Variants in RGP1 observed in about 807,000 individuals in gnomAD.
The protein encoded by RGP1 is RAB6A-GEF complex partner protein 2.
In RGP1, 28 loss-of-function variants were observed where a neutral mutation model predicts 44.5. That is an observed-to-expected ratio of 0.63 (90% CI 0.47 to 0.86). RGP1 has a LOEUF of 0.86. RGP1 is among the 40% of genes least tolerant of loss of function. RGP1 has a pLI of 0.00. For synonymous variants in RGP1, 212 were observed against 196.7 expected (o/e 1.08, Z -0.65); for missense variants, 417 against 490.7 (o/e 0.85, Z 1.42).
At chr9:35,765,122 CAA>C in the RGP1 span, among the ~76,000 whole-genome samples, 34 of 103,102 alleles carry the variant, frequency 3.3e-4, no homozygotes, top group Non-Finnish European at 3.2e-4. Context: ...GACTCTGTCT[CAA>C]AAAAAAAAAA....
At chr9:35,767,147 C>T in the RGP1 span, among the ~76,000 whole-genome samples, 4 of 152,150 alleles carry the variant, frequency 2.6e-5, no homozygotes, top group East Asian at 3.8e-4. Context: ...GGGCTGCATA[C>T]GGCCAACTAT....
At chr9:35,780,927 C>A in the RGP1 span, among the ~76,000 whole-genome samples, 2 of 151,940 alleles carry the variant, frequency 1.3e-5, no homozygotes, top group Non-Finnish European at 2.9e-5. Flanking sequence ...TAAAGTGAAT[C>A]CCTTCATCCA....
In RGP1 at chr9:35,753,470, G is replaced by A. The variant is rs975434138; in HGVS notation, c.*596G>A. 7.7e-6 allele frequency: 6 copies of A among 777,238 alleles called. No homozygotes were observed. The highest frequency in any genetic ancestry group is 1.2e-5 in the Non-Finnish European group (6 of 487,762). 48.1% of individuals were successfully genotyped at this position (777,238 alleles called of 1,614,324 possible). A position where few individuals can be genotyped will look rare whatever the true frequency, so the allele number is the denominator to read the frequency against. On this transcript the variant is annotated 3_prime_UTR_variant, in exon 9 of 9. Coordinates refer to ENST00000378078, the MANE Select transcript of RGP1 (RefSeq NM_001080496.3). The surrounding 1 kb of genome is among the most constrained non-coding windows in gnomAD (Gnocchi z 4.2). ...TATAACAGGAGTATTTTCTCTCCAG[G>A]TCCACCCCAACCTCCCCTGATTTAT...
chr9:35,774,846 T>C, the RGP1 span, among the ~76,000 whole-genome samples: 7 of 152,182 alleles, frequency 4.6e-5, no homozygotes, highest in African/African-American at 7.2e-5. Context: ...TTTTGGTTTT[T>C]ATACAGGTCA....
chr9:35,762,151 G>C (rs928140789), downstream of RGP1, among the ~76,000 whole-genome samples: 1 of 152,158 alleles, frequency 6.6e-6, no homozygotes, highest in Non-Finnish European at 1.5e-5. Context: ...ACAGGAGCAG[G>C]CTGCCTCCAT....
chr9:35,750,562 A>C lies in RGP1; in HGVS notation c.254-96A>C, dbSNP rs1050591137. ...TATTCCCATTTCACAGCAGGGACGG[A>C]GGGCCTGGCAGCCTTTCACTATCTC... is the stretch of plus-strand genomic sequence containing the variant. On this transcript the variant is annotated intron_variant, in intron 3 of 8. Coordinates refer to ENST00000378078, the MANE Select transcript of RGP1 (RefSeq NM_001080496.3). The C allele has an allele frequency of 2.7e-5, 38 of 1,399,012 alleles. No individual in the cohort carries two copies. The African/African-American group carries it at 4.5e-4, about 17-fold the overall frequency. The allele number at this position is 1,399,012 out of a possible 1,614,324, so 86.7% of individuals were successfully genotyped here.
At position 35,753,597 on chromosome 9, in the gene RGP1, C is replaced by T; in HGVS notation, c.*723C>T. The T allele has an allele frequency of 1.5e-6, 2 of 1,379,118 alleles. No homozygotes were observed. The highest frequency in any genetic ancestry group is 1.4e-5 in the African/African-American group (1 of 69,808). The allele number at this position is 1,379,118 out of a possible 1,614,324, so 85.4% of individuals were successfully genotyped here. On this transcript the variant is annotated 3_prime_UTR_variant, in exon 9 of 9. Coordinates refer to ENST00000378078, the MANE Select transcript of RGP1 (RefSeq NM_001080496.3). The surrounding 1 kb of genome is among the most constrained non-coding windows in gnomAD (Gnocchi z 4.2). ...CTTACATCACAGCAATCTAGTCACT[C>T]CCTGGTCATCCCTCAGTCACTCATA...
At chr9:35,787,188 T>TA in the RGP1 span, among the ~76,000 whole-genome samples, 1 of 151,800 alleles carries the variant, frequency 6.6e-6, no homozygotes, top group African/African-American at 2.4e-5. Flanking sequence ...GAATTCAAAG[T>TA]AAAAACCCTT....
chr9:35,780,986 T>A, the RGP1 span, among the ~76,000 whole-genome samples: 1 of 152,142 alleles, frequency 6.6e-6, no homozygotes, highest in African/African-American at 2.4e-5. Context: ...TAAAATATAC[T>A]GCCAATGTAA....
At chr9:35,764,446 C>T in the RGP1 span, among the ~76,000 whole-genome samples, 55 of 152,132 alleles carry the variant, frequency 3.6e-4, no homozygotes, top group Non-Finnish European at 7.1e-4. Context: ...GATTTGTTGG[C>T]CAGCTACTAT....
At position 35,750,879 on chromosome 9, in the gene RGP1, C is replaced by T; in HGVS notation, c.377C>T (p.Ser126Phe). 1 of 1,614,054 alleles carries T rather than the reference C, an allele frequency of 6.2e-7. No individual in the cohort carries two copies. Among genetic ancestry groups the T allele is most frequent in the Non-Finnish European group, 8.5e-7 (1 of 1,179,902 alleles). ...GTGCTGCCCATAGAGGGACCACCCT[C>T]CTTTCGGGGTCAGTCAGTCAAGTAC... ...SEVLPIEGPP[S>F]FRGQSVKYVY... Residue 126 changes from serine to phenylalanine, a missense_variant, in exon 5 of 9, where the codon TCC (serine) becomes TTC (phenylalanine). Ser to Phe is a radical substitution (Grantham distance 155). Coordinates refer to ENST00000378078, the MANE Select transcript of RGP1 (RefSeq NM_001080496.3).
the RGP1 span, among the ~76,000 whole-genome samples, chr9:35,764,735 T>C: frequency 1.3e-5 from 2 of 152,362 alleles, no homozygotes; most frequent in East Asian, 3.9e-4. Context: ...ATTTGTTTTG[T>C]AGAGTTTCAT....
the RGP1 span, among the ~76,000 whole-genome samples, chr9:35,771,890 A>C: frequency 6.6e-6 from 1 of 152,216 alleles, no homozygotes; most frequent in Non-Finnish European, 1.5e-5. Context: ...AAGGTATAAC[A>C]CCATAAACCT....
At position 35,749,949 on chromosome 9, in the gene RGP1, G is replaced by A; in HGVS notation, c.116+78G>A. ...TCTCTGGGGCTGAGGCAGAGCTCAG[G>A]TTGTCCTGTAGCGACACCACCTCCT... On this transcript the variant is annotated intron_variant, in intron 2 of 8. Coordinates refer to ENST00000378078, the MANE Select transcript of RGP1 (RefSeq NM_001080496.3). This position sits in a 1 kb window ranked among gnomAD's most constrained non-coding sequence, Gnocchi z 4.4. 1.7e-6 allele frequency: 2 copies of A among 1,171,394 alleles called. No individual in the cohort carries two copies. Among genetic ancestry groups the A allele is most frequent in the East Asian group, 2.3e-5 (1 of 42,638 alleles). The allele number at this position is 1,171,394 out of a possible 1,614,324, so 72.6% of individuals were successfully genotyped here.
the RGP1 span, among the ~76,000 whole-genome samples, chr9:35,774,973 A>G: frequency 6.6e-6 from 1 of 152,042 alleles, no homozygotes; most frequent in African/African-American, 2.4e-5. Context: ...GAAATTTATA[A>G]TACCCTTTTC....
the RGP1 span, among the ~76,000 whole-genome samples, chr9:35,771,975 A>G: frequency 6.6e-6 from 1 of 151,672 alleles, no homozygotes; most frequent in African/African-American, 2.4e-5. Flanking sequence ...CTTTTGGGGG[A>G]GGGGAGGCAG....
chr9:35,777,703 T>C, the RGP1 span, among the ~76,000 whole-genome samples: 2 of 152,204 alleles, frequency 1.3e-5, no homozygotes, highest in Non-Finnish European at 2.9e-5. Context: ...TTGTAATACT[T>C]TATCTTTTGG....
the RGP1 span, among the ~76,000 whole-genome samples, chr9:35,768,834 A>C: frequency 6.6e-6 from 1 of 152,318 alleles, no homozygotes; most frequent in East Asian, 1.9e-4. Context: ...TGAGAGACTG[A>C]GCAGTTTTTA....
chr9:35,774,584 C>A, the RGP1 span, among the ~76,000 whole-genome samples: 1 of 152,074 alleles, frequency 6.6e-6, no homozygotes, highest in Non-Finnish European at 1.5e-5. Flanking sequence ...AATAGCCGGG[C>A]GTGTTGGCGG....
Sources: allele counts gnomAD v4.1 joint callset (sites outside exome capture counted in the v4.1 genomes callset), GRCh38; gene constraint gnomAD v4.1.1; non-coding constraint Gnocchi (gnomAD v3.1); transcripts MANE v1.5; gene names NCBI Gene and HGNC (gene_info 2026-07-23, HGNC 2026-07-21).